SLAMF7: variants seen among roughly 807,000 people sequenced by gnomAD.
SLAMF7 encodes the protein 19A24 protein.
A neutral mutation model predicts 34.1 loss-of-function variants in SLAMF7; 26 were observed. That is an observed-to-expected ratio of 0.76 (90% CI 0.56 to 1.06). The LOEUF (loss-of-function observed/expected upper bound fraction) is 1.06, where lower values mean the gene tolerates loss of function less well. Among genes scored for constraint, SLAMF7 ranks in the 50% least tolerant of loss-of-function variants. The pLI, the probability that SLAMF7 is intolerant of heterozygous loss-of-function variation, is 0.00. For missense variants in SLAMF7, 399 were observed against 402.5 expected (o/e 0.99, Z 0.07); for synonymous variants, 171 against 156.4 (o/e 1.09, Z -0.70).
chr1:160,750,473 T>C (rs372634804), intron 4 of SLAMF7, 50 bp downstream of exon 4: 24 of 1,592,746 alleles, frequency 1.5e-5, no homozygotes, highest in Non-Finnish European at 2.0e-5. Context: ...TTTTTCTCCT[T>C]CACTGATTCA....
intron 6 of SLAMF7, among the ~76,000 whole-genome samples, chr1:160,752,746 G>A (rs1183386474): frequency 2.0e-5 from 3 of 152,266 alleles, no homozygotes; most frequent in East Asian, 3.9e-4. Flanking sequence ...CACAGAGTAC[G>A]GTTGGCAGCA....
intron 1 of SLAMF7, among the ~76,000 whole-genome samples, chr1:160,746,964 G>C (rs1447061556): frequency 1.3e-5 from 2 of 152,172 alleles, no homozygotes; most frequent in Non-Finnish European, 2.9e-5. Flanking sequence ...GGGTCAGTTT[G>C]AGAACAAGTA....
At chr1:160,745,058 T>C (rs556406516) in intron 1 of SLAMF7, among the ~76,000 whole-genome samples, 2 of 152,298 alleles carry the variant, frequency 1.3e-5, no homozygotes, top group East Asian at 3.9e-4. Flanking sequence ...ATGTACCAAC[T>C]GATACATTTT....
At chr1:160,740,993 A>G (rs576718885) in intron 1 of SLAMF7, among the ~76,000 whole-genome samples, 1 of 152,304 alleles carries the variant, frequency 6.6e-6, no homozygotes, top group African/African-American at 2.4e-5. Flanking sequence ...GATGCTCACT[A>G]CATGTGCATT....
chr1:160,748,121 G>C, intron 1 of SLAMF7, 73 bp from the exon 2 acceptor site: 1 of 1,493,866 alleles, frequency 6.7e-7, no homozygotes, highest in Non-Finnish European at 9.1e-7. Context: ...ATCTCTCCAG[G>C]ACCCAAAGGG....
chr1:160,744,891 G>T (rs1228197084), intron 1 of SLAMF7, among the ~76,000 whole-genome samples: 2 of 152,066 alleles, frequency 1.3e-5, no homozygotes, highest in Non-Finnish European at 2.9e-5. Context: ...ACATTTCCTG[G>T]CACTATTTGG....
At position 160,754,003 on chromosome 1, in the gene SLAMF7, C is replaced by G. The variant is rs1366067010; in HGVS notation, c.*826C>G. On this transcript the variant is annotated 3_prime_UTR_variant, in exon 7 of 7. Transcript: ENST00000368043. Reference sequence around the variant, plus strand: ...GAAAAGTCTAGGTTTTAAGGCTGTGCCAGAACCCATCCCAATAAAGAGACC... The same window carrying G: ...GAAAAGTCTAGGTTTTAAGGCTGTGGCAGAACCCATCCCAATAAAGAGACC... The G allele has an allele frequency of 6.6e-6, 1 of 152,430 alleles. No individual in the cohort carries two copies. The highest frequency in any genetic ancestry group is 6.5e-5 in the Admixed American group (1 of 15,274). The allele number at this position is 152,430 out of a possible 1,614,324, so 9.4% of individuals were successfully genotyped here.
Position 160,751,444 on chromosome 1 carries a change from C to T in SLAMF7, c.869C>T (p.Thr290Ile). The T allele has an allele frequency of 6.2e-7, 1 of 1,603,866 alleles. No individual in the cohort carries two copies. Among genetic ancestry groups the T allele is most frequent in the Non-Finnish European group, 8.5e-7 (1 of 1,170,654 alleles). The change falls in exon 5 of 7, where the codon ACT (threonine) becomes ATT (isoleucine). Residue 290 changes from threonine (T) to isoleucine (I), a missense_variant. Transcript: ENST00000368043. ...ENTEYDTIPH[T>I]NRTILKEDPA... ...ACAGAGTACGACACAATCCCTCACA[C>T]TAATGTGAGTCCCTTCTCATCTTTC...
rs1019860333 is a variant in SLAMF7, at chr1:160,753,411, A to G, written c.*234A>G. On this transcript the variant is annotated 3_prime_UTR_variant, in exon 7 of 7. Transcript: ENST00000368043. Reference sequence around the variant, plus strand: ...AAGGTTTAATCACTTCATCCCAAAAATGGGATTGTGAATGTCAGCAAACCA... The same window carrying G: ...AAGGTTTAATCACTTCATCCCAAAAGTGGGATTGTGAATGTCAGCAAACCA... The G allele has an allele frequency of 1.1e-5, 6 of 522,096 alleles. No homozygotes were observed. The highest frequency in any genetic ancestry group is 2.0e-5 in the Non-Finnish European group (6 of 294,348). The allele number at this position is 522,096 out of a possible 1,614,324, so 32.3% of individuals were successfully genotyped here. A position where few individuals can be genotyped will look rare whatever the true frequency, so the allele number is the denominator to read the frequency against.
intron 2 of SLAMF7, 90 bp downstream of exon 2, chr1:160,748,604 AACACTTG>A: frequency 8.2e-7 from 1 of 1,216,752 alleles, no homozygotes. Flanking sequence ...AGGCTGAATA[AACACTTG>A]GCAAGAATGT....
chr1:160,740,759 T>C (rs1663673454), intron 1 of SLAMF7, among the ~76,000 whole-genome samples: 2 of 152,238 alleles, frequency 1.3e-5, no homozygotes, highest in Non-Finnish European at 2.9e-5. Flanking sequence ...ATTAAGTTAC[T>C]ACATCGCAGG....
Position 160,753,414 on chromosome 1 carries a change from G to C in SLAMF7, c.*237G>C. On this transcript the variant is annotated 3_prime_UTR_variant, in exon 7 of 7. Coordinates refer to ENST00000368043, the MANE Select transcript of SLAMF7 (RefSeq NM_021181.5). ...GTTTAATCACTTCATCCCAAAAATG[G>C]GATTGTGAATGTCAGCAAACCATAA... 1 of 518,730 alleles carries C rather than the reference G, an allele frequency of 1.9e-6. No individual in the cohort carries two copies. The highest frequency in any genetic ancestry group is 3.4e-5 in the Admixed American group (1 of 29,394). The allele number at this position is 518,730 out of a possible 1,614,324, so 32.1% of individuals were successfully genotyped here.
chr1:160,747,902 TG>T (rs941495573), intron 1 of SLAMF7, among the ~76,000 whole-genome samples: 1 of 82,680 alleles, frequency 1.2e-5, no homozygotes, highest in Non-Finnish European at 2.7e-5. Flanking sequence ...CATTCTTAAC[TG>T]TTTTTCACCT....
chr1:160,743,474 A>G (rs943355268), intron 1 of SLAMF7, among the ~76,000 whole-genome samples: 1 of 152,212 alleles, frequency 6.6e-6, no homozygotes, highest in African/African-American at 2.4e-5. Context: ...AACCCATGTC[A>G]TGTGACACCC....
At chr1:160,750,628 C>A in intron 4 of SLAMF7, 2 of 510,754 alleles carry the variant, frequency 3.9e-6, no homozygotes, top group South Asian at 2.6e-5. Context: ...GGAGGTCTTT[C>A]CCAAGGACAC....
At chr1:160,740,446 C>A (rs1324088623) in intron 1 of SLAMF7, among the ~76,000 whole-genome samples, 1 of 152,118 alleles carries the variant, frequency 6.6e-6, no homozygotes, top group East Asian at 1.9e-4. Flanking sequence ...TGAAAAACTG[C>A]CATGCAGGTC....
intron 1 of SLAMF7, among the ~76,000 whole-genome samples, chr1:160,743,760 C>T (rs956431493): frequency 6.6e-6 from 1 of 152,212 alleles, no homozygotes; most frequent in Non-Finnish European, 1.5e-5. Flanking sequence ...ACGATCACGG[C>T]TCACTGCAGC....
In SLAMF7 at chr1:160,748,214, G is replaced by A. The variant is rs145534594; in HGVS notation, c.76G>A (p.Val26Met). ...TATAGGGTCAGCAGCCTCTGGACCC[G>A]TGAAAGAGCTGGTCGGTTCCGTTGG... The part of the protein sequence containing the change: ...QLTGSAASGP[V>M]KELVGSVGGA... Residue 26 changes from valine (V) to methionine (M), a missense_variant, in exon 2 of 7, where the codon GTG becomes ATG. Physicochemically the swap from Val to Met is conservative, Grantham distance 21. Coordinates refer to ENST00000368043, the MANE Select transcript of SLAMF7 (RefSeq NM_021181.5). 1.7e-5 allele frequency: 28 copies of A among 1,613,884 alleles called. No homozygotes were observed. Among genetic ancestry groups the A allele is most frequent in the East Asian group, 2.2e-5 (1 of 44,902 alleles).
chr1:160,748,435 C>T lies in SLAMF7; in HGVS notation c.297C>T (p.Asp99=). 2.5e-6 allele frequency: 4 copies of T among 1,614,046 alleles called. No homozygotes were observed. The highest frequency in any genetic ancestry group is 3.4e-6 in the Non-Finnish European group (4 of 1,179,950). ...SLKLSKLKKN[D]SGIYYVGIYS... Reference sequence around the variant, plus strand: ...AGCTCAGCAAACTGAAGAAGAATGACTCAGGGATCTACTATGTGGGGATAT... The same window carrying T: ...AGCTCAGCAAACTGAAGAAGAATGATTCAGGGATCTACTATGTGGGGATAT... The change falls in exon 2 of 7, where the codon GAC becomes GAT. Residue 99 remains aspartate (D), a synonymous_variant. Transcript: ENST00000368043.
Sources: gnomAD v4.1 joint callset for allele counts (sites outside exome capture counted in the v4.1 genomes callset) on GRCh38, gnomAD v4.1.1 for gene constraint, MANE v1.5 for transcripts, NCBI Gene and HGNC (gene_info 2026-07-23, HGNC 2026-07-21) for gene names.